The following CA10 variants were observed in gnomAD, a reference collection of about 807,000 sequenced individuals.
CA10 encodes carbonic anhydrase-related protein 10.
CA10 carries 14 observed loss-of-function variants against 44.2 expected under a neutral mutation model. That is an observed-to-expected ratio of 0.32 (90% CI 0.21 to 0.50). The LOEUF (loss-of-function observed/expected upper bound fraction) is 0.50. Ranked by LOEUF, CA10 falls within the 20% of genes least tolerant of loss-of-function variation. The pLI is 0.99. For synonymous variants in CA10, 159 were observed against 141.6 expected (o/e 1.12, Z -0.87); for missense variants, 350 against 409.7 (o/e 0.85, Z 1.26).
chr17:51,895,701 G>C (rs1393886778), intron 3 of CA10, among the ~76,000 whole-genome samples: 5 of 151,994 alleles, frequency 3.3e-5, no homozygotes, highest in Admixed American at 6.6e-5. Flanking sequence ...CAATATGAAA[G>C]AGGTAGTAAG....
chr17:51,796,358 A>T (rs1202367149), intron 3 of CA10, among the ~76,000 whole-genome samples: 1 of 152,124 alleles, frequency 6.6e-6, no homozygotes, highest in African/African-American at 2.4e-5. Flanking sequence ...GCAGTGTGCA[A>T]AGACTTCAAA....
intron 2 of CA10, among the ~76,000 whole-genome samples, chr17:52,003,269 C>G (rs2144122784): frequency 6.6e-6 from 1 of 152,012 alleles, no homozygotes; most frequent in South Asian, 2.1e-4. Flanking sequence ...CTTCCCTCAC[C>G]CCTTTTTCAC....
chr17:51,661,826 C>T (rs1914019446), intron 4 of CA10: 1 of 152,188 alleles, frequency 6.6e-6, no homozygotes, highest in South Asian at 2.1e-4. Context: ...TACTGTAATT[C>T]AGGGGTCAGC....
At chr17:51,989,487 A>G (rs1200600587) in intron 2 of CA10, among the ~76,000 whole-genome samples, 1 of 152,106 alleles carries the variant, frequency 6.6e-6, no homozygotes, top group African/African-American at 2.4e-5. Flanking sequence ...ATTCTACTAT[A>G]AAGGCACATG....
At chr17:51,885,106 C>T (rs779873348) in intron 3 of CA10, among the ~76,000 whole-genome samples, 10 of 152,160 alleles carry the variant, frequency 6.6e-5, no homozygotes, top group Non-Finnish European at 1.5e-4. Flanking sequence ...GACAATTCAA[C>T]CCCTAGCACC....
chr17:51,876,536 C>T (rs1373904780), intron 3 of CA10, among the ~76,000 whole-genome samples: 1 of 151,728 alleles, frequency 6.6e-6, no homozygotes, highest in African/African-American at 2.4e-5. Context: ...GTGGAATAAC[C>T]CTTTGTTGTG....
chr17:51,990,062 C>A (rs180682577), intron 2 of CA10, among the ~76,000 whole-genome samples: 327 of 152,238 alleles, frequency 2.1e-3, no homozygotes, highest in Admixed American at 4.0e-3. Context: ...TCTTAACCAA[C>A]CATTATTTGT....
intron 4 of CA10, among the ~76,000 whole-genome samples, chr17:51,661,080 T>C (rs1733505214): frequency 6.6e-6 from 1 of 152,154 alleles, no homozygotes; most frequent in African/African-American, 2.4e-5. Flanking sequence ...AAAATACATA[T>C]CACAGTTTTA....
chr17:51,685,886 A>T lies in CA10; in HGVS notation c.466-32150T>A, dbSNP rs568798694. 3.9e-5 allele frequency among the ~76,000 whole-genome samples: 6 copies of T among 152,308 alleles called. No individual in the cohort carries two copies. In the East Asian group the frequency reaches 1.2e-3, roughly 29 times the overall value. On this transcript the variant is annotated intron_variant, in intron 4 of 8. Transcript: ENST00000451037. ...CACAAAGAGGAATACAAATGGCCTG[A>T]CACCCATTCTGAGCTCAATGCTGGC...
chr17:52,095,133 C>T (rs1227638029), intron 1 of CA10, among the ~76,000 whole-genome samples: 1 of 152,112 alleles, frequency 6.6e-6, no homozygotes, highest in Non-Finnish European at 1.5e-5. Context: ...CTACAAATTA[C>T]ACATTAAAAG....
At chr17:52,141,222 C>A (rs533077471) in intron 1 of CA10, among the ~76,000 whole-genome samples, 8 of 152,224 alleles carry the variant, frequency 5.3e-5, no homozygotes, top group African/African-American at 1.9e-4. Flanking sequence ...CCTCTGAGAG[C>A]AAAGGGAGCT....
chr17:51,748,060 T>C (rs1904766940), intron 3 of CA10, among the ~76,000 whole-genome samples: 1 of 152,230 alleles, frequency 6.6e-6, no homozygotes, highest in African/African-American at 2.4e-5. Flanking sequence ...AGGAGACTTT[T>C]CATCATTTGT....
At chr17:51,915,718 A>G (rs1981967391) in intron 3 of CA10, among the ~76,000 whole-genome samples, 1 of 152,160 alleles carries the variant, frequency 6.6e-6, no homozygotes, top group African/African-American at 2.4e-5. Flanking sequence ...TATACAGATG[A>G]CATTGATGTC....
In CA10 at chr17:51,725,688, A is replaced by G. The variant is rs369643216; in HGVS notation, c.465+21945T>C. ...ACTGAGAGAGACCCTTTTTCTCTTGAGATTTCTCTGCCCTTTCTCTGCACC... is the reference window on the plus strand; with the variant it reads ...ACTGAGAGAGACCCTTTTTCTCTTGGGATTTCTCTGCCCTTTCTCTGCACC... On this transcript the variant is annotated intron_variant, in intron 4 of 8. Transcript: ENST00000451037. Among the ~76,000 whole-genome samples the G allele has an allele frequency of 1.5e-4, 23 of 152,196 alleles. No homozygotes were observed. In the East Asian group the frequency reaches 2.5e-3, roughly 17 times the overall value.
chr17:51,787,051 A>G (rs1906317493), intron 3 of CA10, among the ~76,000 whole-genome samples: 1 of 152,166 alleles, frequency 6.6e-6, no homozygotes, highest in South Asian at 2.1e-4. Context: ...TGATCTTTCT[A>G]ATATACTGTT....
intron 2 of CA10, among the ~76,000 whole-genome samples, chr17:51,946,803 T>TA (rs1983291907): frequency 6.6e-6 from 1 of 152,182 alleles, no homozygotes; most frequent in African/African-American, 2.4e-5. Context: ...TTTTTGCGTC[T>TA]TAATAATCCT....
chr17:51,849,145 TTA>T (rs1185738149), intron 3 of CA10, among the ~76,000 whole-genome samples: 3 of 127,946 alleles, frequency 2.3e-5, no homozygotes, highest in South Asian at 2.6e-4. Context: ...ACTTAGTTTT[TTA>T]TATATATACA....
At chr17:51,773,905 G>A (rs893134711) in intron 3 of CA10, among the ~76,000 whole-genome samples, 6 of 152,088 alleles carry the variant, frequency 3.9e-5, no homozygotes, top group East Asian at 1.9e-4. Flanking sequence ...CTGTCTCTTC[G>A]GTGGTTTCTG....
chr17:51,649,689 T>C (rs1007892774), intron 5 of CA10, among the ~76,000 whole-genome samples: 3 of 152,160 alleles, frequency 2.0e-5, no homozygotes, highest in South Asian at 2.1e-4. Context: ...GGCATGCTCA[T>C]GCAAAGACTT....
Sources: gnomAD v4.1 joint callset for allele counts (sites outside exome capture counted in the v4.1 genomes callset) on GRCh38, gnomAD v4.1.1 for gene constraint, MANE v1.5 for transcripts, NCBI Gene and HGNC (gene_info 2026-07-23, HGNC 2026-07-21) for gene names.